GPC3: variants seen among roughly 807,000 people sequenced by gnomAD.
GPC3 encodes glypican-3.
A neutral mutation model predicts 34.4 loss-of-function variants in GPC3; 3 were observed. That is an observed-to-expected ratio of 0.09 (90% CI 0.04 to 0.23). The LOEUF (loss-of-function observed/expected upper bound fraction) is 0.23, where lower values mean the gene tolerates loss of function less well. Ranked by LOEUF, GPC3 falls within the 10% of genes least tolerant of loss-of-function variation. GPC3 has a pLI of 1.00. For synonymous variants in GPC3, 177 were observed against 174.0 expected (o/e 1.02, Z -0.13); for missense variants, 351 against 445.6 (o/e 0.79, Z 1.91).
At position 133,707,892 on chromosome X, in the gene GPC3, CAT is replaced by C. The variant is rs772118677; in HGVS notation, c.1033-7866_1033-7865del. Among the ~76,000 whole-genome samples the C allele has an allele frequency of 2.5e-3, 283 of 111,016 alleles. 1 individual carries two copies. The highest frequency in any genetic ancestry group is 5.1e-3 in the East Asian group (18 of 3,544). Reference sequence around the variant, plus strand: ...TTGATGAGATTTGTAAATGTATACACATGTGTAAACACTACCTCATAATGTAG... The same window carrying C: ...TTGATGAGATTTGTAAATGTATACACGTGTAAACACTACCTCATAATGTAG... On this transcript the variant is annotated intron_variant, in intron 3 of 7. Coordinates refer to ENST00000370818, the MANE Select transcript of GPC3 (RefSeq NM_004484.4).
intron 6 of GPC3, among the ~76,000 whole-genome samples, chrX:133,602,673 G>C (rs1569394165): frequency 1.8e-5 from 2 of 111,429 alleles, no homozygotes; most frequent in Non-Finnish European, 3.8e-5. Context: ...CTAAAAGCTA[G>C]AAGAGAGGAT....
chrX:133,830,586 G>A (rs1454546106), intron 2 of GPC3, among the ~76,000 whole-genome samples: 4 of 102,097 alleles, frequency 3.9e-5, no homozygotes, highest in Middle Eastern at 5.5e-3. Flanking sequence ...GCTGAGGCAG[G>A]AGAATCGCTT....
chrX:133,786,371 G>A (rs1308564338), intron 2 of GPC3, among the ~76,000 whole-genome samples: 1 of 112,317 alleles, frequency 8.9e-6, no homozygotes, highest in Non-Finnish European at 1.9e-5. Context: ...CTCCAGCCTG[G>A]GTGACAAGAG....
chrX:133,950,583 A>C (rs1359187410), intron 2 of GPC3, among the ~76,000 whole-genome samples: 1 of 112,366 alleles, frequency 8.9e-6, no homozygotes, highest in Non-Finnish European at 1.9e-5. Context: ...TGGTTTTCTC[A>C]CTAATTTGGT....
chrX:133,835,026 T>C (rs2075793240), intron 2 of GPC3, among the ~76,000 whole-genome samples: 1 of 112,353 alleles, frequency 8.9e-6, no homozygotes, highest in South Asian at 3.7e-4. Context: ...GGTTCCTTAG[T>C]TGGTATCCTT....
At chrX:133,579,863 G>T (rs1181294418) in intron 7 of GPC3, among the ~76,000 whole-genome samples, 2 of 112,211 alleles carry the variant, frequency 1.8e-5, no homozygotes, top group African/African-American at 6.5e-5. Flanking sequence ...GTACAAAAGG[G>T]GAAACAAGTA....
At chrX:133,661,882 C>G (rs752131593) in intron 5 of GPC3, 32 bp from the exon 6 acceptor site, 2 of 1,194,827 alleles carry the variant, frequency 1.7e-6, no homozygotes, top group Non-Finnish European at 2.3e-6. Context: ...AAAGGTTTGT[C>G]AAAGAAAGTC....
At chrX:133,776,247 TAC>T (rs2071978077) in intron 2 of GPC3, among the ~76,000 whole-genome samples, 1 of 111,730 alleles carries the variant, frequency 9.0e-6, no homozygotes, top group South Asian at 3.8e-4. Flanking sequence ...AGAATCTCGT[TAC>T]ACAGATTATA....
At chrX:133,675,955 G>A (rs1360755128) in intron 5 of GPC3, among the ~76,000 whole-genome samples, 1 of 112,500 alleles carries the variant, frequency 8.9e-6, no homozygotes, top group African/African-American at 3.2e-5. Flanking sequence ...TCACGAACCA[G>A]CATTTAGTTT....
chrX:133,872,230 C>T (rs1157880162), intron 2 of GPC3, among the ~76,000 whole-genome samples: 1 of 111,056 alleles, frequency 9.0e-6, no homozygotes. Context: ...TCATAAACCC[C>T]ATGTATTTTT....
At chrX:133,551,878 T>G (rs1458489558) in intron 7 of GPC3, among the ~76,000 whole-genome samples, 3 of 112,143 alleles carry the variant, frequency 2.7e-5, no homozygotes, top group Non-Finnish European at 5.6e-5. Context: ...ACCCTCTTTG[T>G]CATTCCTCTT....
At chrX:133,569,847 G>A (rs935794952) in intron 7 of GPC3, among the ~76,000 whole-genome samples, 1 of 110,697 alleles carries the variant, frequency 9.0e-6, no homozygotes, top group South Asian at 3.8e-4. Context: ...ACAAATTTTG[G>A]TTATGCTAGA....
intron 5 of GPC3, 73 bp downstream of exon 5, chrX:133,692,296 T>A: frequency 1.9e-6 from 2 of 1,045,997 alleles, no homozygotes; most frequent in African/African-American, 1.8e-5. Flanking sequence ...ATAGAAGACA[T>A]AATTAACTTT....
intron 2 of GPC3, among the ~76,000 whole-genome samples, chrX:133,912,051 T>C (rs2076203021): frequency 8.9e-6 from 1 of 112,612 alleles, no homozygotes; most frequent in Admixed American, 9.4e-5. Context: ...CACATTGGTA[T>C]GTCCAGATCA....
At chrX:133,695,869 G>A (rs948616322) in intron 4 of GPC3, among the ~76,000 whole-genome samples, 9 of 111,975 alleles carry the variant, frequency 8.0e-5, no homozygotes, top group Non-Finnish European at 1.3e-4. Flanking sequence ...CTTGAGTAAA[G>A]TTTTACATTT....
At chrX:133,693,156 A>AGT (rs57735935) in intron 4 of GPC3, among the ~76,000 whole-genome samples, 7,835 of 89,261 alleles carry the variant, frequency 0.088, 420 homozygotes, top group Non-Finnish European at 0.13. Context: ...TAATAAGACA[A>AGT]GTGTGTGTGT....
intron 2 of GPC3, among the ~76,000 whole-genome samples, chrX:133,934,744 G>A (rs1006901537): frequency 4.1e-4 from 42 of 102,012 alleles, no homozygotes; most frequent in African/African-American, 1.5e-3. Context: ...GCTGGTCTTC[G>A]AACTCCTGGG....
chrX:133,720,903 G>T (rs1002006103), intron 3 of GPC3, among the ~76,000 whole-genome samples: 6 of 109,030 alleles, frequency 5.5e-5, no homozygotes, highest in Non-Finnish European at 1.1e-4. Context: ...GGTGAGGGGG[G>T]TAAGGAATAA....
At chrX:133,864,015 C>T (rs2075954879) in intron 2 of GPC3, among the ~76,000 whole-genome samples, 1 of 111,616 alleles carries the variant, frequency 9.0e-6, no homozygotes, top group South Asian at 3.7e-4. Context: ...AATTTCCCTT[C>T]CCACAGATGG....
Sources: gnomAD v4.1 joint callset for allele counts (sites outside exome capture counted in the v4.1 genomes callset) on GRCh38, gnomAD v4.1.1 for gene constraint, MANE v1.5 for transcripts, NCBI Gene and HGNC (gene_info 2026-07-23, HGNC 2026-07-21) for gene names.